ZNF385D: variants seen among roughly 807,000 people sequenced by gnomAD.
ZNF385D encodes the protein zinc finger protein 659.
In ZNF385D, 15 loss-of-function variants were observed where a neutral mutation model predicts 35.8. The observed-to-expected ratio is 0.42, with a 90% CI of 0.28 to 0.64. The LOEUF (loss-of-function observed/expected upper bound fraction) is 0.64. ZNF385D is among the 30% of genes least tolerant of loss of function. The pLI is 0.23. For synonymous variants in ZNF385D, 212 were observed against 186.8 expected (o/e 1.13, Z -1.10); for missense variants, 474 against 494.6 (o/e 0.96, Z 0.39).
chr3:21,921,185 C>T (rs7621368), intron 3 of ZNF385D, among the ~76,000 whole-genome samples: 76,849 of 143,694 alleles, frequency 0.53, 22,348 homozygotes, highest in Non-Finnish European at 0.66. Context: ...ATCGCGCCAC[C>T]GCACTCCAGC....
Position 21,562,378 on chromosome 3 carries a change from A to AATTAG in ZNF385D, c.276+2191_276+2195dup, listed in dbSNP as rs1367082397. Reference sequence around the variant, plus strand: ...TCATGAATTTGACATCAATCTACAGAATTAGAAACACTCCAAAAATAGAAC... The same window carrying AATTAG: ...TCATGAATTTGACATCAATCTACAGAATTAGATTAGAAACACTCCAAAAATAGAAC... On this transcript the variant is annotated intron_variant, in intron 3 of 7. Coordinates refer to ENST00000281523, the MANE Select transcript of ZNF385D (RefSeq NM_024697.3). Among the ~76,000 whole-genome samples the AATTAG allele has an allele frequency of 6.6e-5, 10 of 152,244 alleles. No individual in the cohort carries two copies. In the East Asian group the frequency reaches 1.5e-3, roughly 23 times the overall value.
chr3:22,096,758 G>C (rs773639000), intron 3 of ZNF385D, among the ~76,000 whole-genome samples: 1 of 151,952 alleles, frequency 6.6e-6, no homozygotes, highest in African/African-American at 2.4e-5. Context: ...AAACAGGATG[G>C]GTTAACTAGA....
rs189330913 is a variant in ZNF385D at position 21,770,246 on chromosome 3, A to G, written c.326-105218T>C. 4.2e-3 allele frequency among the ~76,000 whole-genome samples: 646 copies of G among 152,294 alleles called. 3 individuals carry two copies. Among genetic ancestry groups the G allele is most frequent in the African/African-American group, 0.015 (620 of 41,572 alleles). On this transcript the variant is annotated intron_variant, in intron 3 of 5. Transcript: ENST00000494108. ...GCCAAAAATTGACAAATGGGATCTA[A>G]TTAAACTAAAGAGCTTCTGCACAGC...
intron 3 of ZNF385D, among the ~76,000 whole-genome samples, chr3:22,103,610 G>C (rs890069470): frequency 3.3e-5 from 5 of 152,052 alleles, no homozygotes; most frequent in Non-Finnish European, 7.4e-5. Context: ...AATCATCTGA[G>C]TGACCAACAA....
chr3:21,460,252 A>G (rs1363627494), intron 4 of ZNF385D, among the ~76,000 whole-genome samples: 1 of 152,188 alleles, frequency 6.6e-6, no homozygotes, highest in Non-Finnish European at 1.5e-5. Context: ...GCCTGCATGA[A>G]TGACTAACGT....
At chr3:22,031,793 C>G (rs962965856) in intron 3 of ZNF385D, among the ~76,000 whole-genome samples, 1 of 152,220 alleles carries the variant, frequency 6.6e-6, no homozygotes, top group Non-Finnish European at 1.5e-5. Context: ...ACCGCATGGT[C>G]ACGCTGCCAA....
intron 3 of ZNF385D, among the ~76,000 whole-genome samples, chr3:21,932,568 G>A (rs1041943252): frequency 1.3e-5 from 2 of 151,766 alleles, no homozygotes; most frequent in African/African-American, 4.8e-5. Flanking sequence ...TACTTTATGT[G>A]GCTGATTACG....
intron 2 of ZNF385D, among the ~76,000 whole-genome samples, chr3:21,587,000 A>ATGAT (rs1011194350): frequency 1.4e-4 from 22 of 152,274 alleles, no homozygotes; most frequent in Middle Eastern, 3.4e-3. Flanking sequence ...AAAGGAGAAA[A>ATGAT]TGATAGAACA....
At chr3:22,179,496 CG>C (rs1175803872) in intron 2 of ZNF385D, among the ~76,000 whole-genome samples, 1 of 152,176 alleles carries the variant, frequency 6.6e-6, no homozygotes, top group Admixed American at 6.5e-5. Flanking sequence ...GCTGAGACGA[CG>C]GGGTTTTCTA....
At chr3:22,150,998 A>G (rs1277878131) in intron 3 of ZNF385D, among the ~76,000 whole-genome samples, 1 of 152,210 alleles carries the variant, frequency 6.6e-6, no homozygotes, top group Non-Finnish European at 1.5e-5. Context: ...ATGGACTTCT[A>G]TCTAGAGAGA....
chr3:22,308,128 G>A (rs1427585821), intron 2 of ZNF385D, among the ~76,000 whole-genome samples: 1 of 152,054 alleles, frequency 6.6e-6, no homozygotes. Context: ...TGAAGAGTGA[G>A]TGCAACTTCC....
upstream of ZNF385D, among the ~76,000 whole-genome samples, chr3:21,753,634 A>G (rs148567222): frequency 0.01 from 1,547 of 152,342 alleles, 26 homozygotes; most frequent in African/African-American, 0.035. Context: ...GGAATGTAGA[A>G]GCTTAAGATA....
intron 2 of ZNF385D, among the ~76,000 whole-genome samples, chr3:22,348,251 A>G (rs900913073): frequency 6.6e-6 from 1 of 152,038 alleles, no homozygotes; most frequent in African/African-American, 2.4e-5. Context: ...TCCTAAACCC[A>G]TTACCTCAGA....
chr3:21,644,473 ACTT>A (rs1575386324), intron 2 of ZNF385D, among the ~76,000 whole-genome samples: 1 of 152,246 alleles, frequency 6.6e-6, no homozygotes, highest in East Asian at 1.9e-4. Context: ...CCTCACGTGA[ACTT>A]CTTTGGGATG....
chr3:21,763,161 C>G (rs1347947098), intron 3 of ZNF385D, among the ~76,000 whole-genome samples: 1 of 152,164 alleles, frequency 6.6e-6, no homozygotes, highest in Non-Finnish European at 1.5e-5. Context: ...TTCACCTTCT[C>G]TCCAGAGACC....
chr3:22,193,228 G>A (rs567781913), intron 2 of ZNF385D, among the ~76,000 whole-genome samples: 2 of 152,182 alleles, frequency 1.3e-5, no homozygotes, highest in African/African-American at 2.4e-5. Flanking sequence ...CCTCCAGGCA[G>A]AATAAACTCT....
chr3:21,534,511 C>T lies in ZNF385D; in HGVS notation c.277-23488G>A, dbSNP rs867296207. 1.4e-4 allele frequency among the ~76,000 whole-genome samples: 22 copies of T among 152,068 alleles called. No homozygotes were observed. In the South Asian group the frequency reaches 2.3e-3, roughly 16 times the overall value. ...AGTGGCAAATCACTTCCAAGCTGACCGGAAAAGAAGAGAGCTGGAGTAGTG... is the reference window on the plus strand; with the variant it reads ...AGTGGCAAATCACTTCCAAGCTGACTGGAAAAGAAGAGAGCTGGAGTAGTG... On this transcript the variant is annotated intron_variant, in intron 3 of 7. Coordinates refer to ENST00000281523, the MANE Select transcript of ZNF385D (RefSeq NM_024697.3).
At chr3:22,021,361 A>C (rs1171516640) in intron 3 of ZNF385D, among the ~76,000 whole-genome samples, 1 of 152,036 alleles carries the variant, frequency 6.6e-6, no homozygotes, top group Non-Finnish European at 1.5e-5. Context: ...GAAATGTTAG[A>C]AATCCACAAC....
At chr3:21,783,705 T>C in intron 3 of ZNF385D, among the ~76,000 whole-genome samples, 1 of 152,092 alleles carries the variant, frequency 6.6e-6, no homozygotes, top group East Asian at 1.9e-4. Flanking sequence ...AAGAACACCG[T>C]AACAGAAGCA....
Sources: gnomAD v4.1 joint callset for allele counts (sites outside exome capture counted in the v4.1 genomes callset) on GRCh38, gnomAD v4.1.1 for gene constraint, MANE v1.5 for transcripts, NCBI Gene and HGNC (gene_info 2026-07-23, HGNC 2026-07-21) for gene names.